The following TJP1 variants were observed in gnomAD, a reference collection of about 807,000 sequenced individuals.
TJP1 encodes the protein tight junction protein 1, also known as tight junction protein ZO-1.
A neutral mutation model predicts 194.2 loss-of-function variants in TJP1; 43 were observed. The ratio of observed to expected loss-of-function variants is 0.22; its 90% CI spans 0.17 to 0.29. The LOEUF is 0.29. TJP1 is among the 10% of genes least tolerant of loss of function. The probability of loss-of-function intolerance (pLI) is 1.00; values close to 1 mark genes in which losing one functional copy is unlikely to be tolerated. For synonymous variants in TJP1, 801 were observed against 779.0 expected (o/e 1.03, Z -0.47); for missense variants, 1,971 against 2,185.7 (o/e 0.90, Z 1.96).
intron 2 of TJP1, among the ~76,000 whole-genome samples, chr15:29,834,771 C>T (rs746121938): frequency 6.6e-5 from 10 of 152,202 alleles, no homozygotes; most frequent in South Asian, 2.1e-4. Context: ...CAGCAAAAAC[C>T]GGCAGAAACC....
chr15:29,733,651 C>T (rs1049730393), intron 12 of TJP1, among the ~76,000 whole-genome samples: 2 of 152,294 alleles, frequency 1.3e-5, no homozygotes, highest in African/African-American at 4.8e-5. Context: ...AATTTTATCC[C>T]TCGCCATCCA....
chr15:29,796,314 G>T (rs1265951633), intron 2 of TJP1, among the ~76,000 whole-genome samples: 1 of 147,316 alleles, frequency 6.8e-6, no homozygotes, highest in Non-Finnish European at 1.5e-5. Flanking sequence ...CCTACAACTA[G>T]TAATTTTAAG....
At chr15:29,935,745 G>C (rs2152276244) in intron 2 of TJP1, among the ~76,000 whole-genome samples, 1 of 152,072 alleles carries the variant, frequency 6.6e-6, no homozygotes, top group African/African-American at 2.4e-5. Flanking sequence ...TCACCTCCTT[G>C]CATCAACAAT....
chr15:29,855,487 T>C (rs1039117060), intron 2 of TJP1, among the ~76,000 whole-genome samples: 4 of 152,176 alleles, frequency 2.6e-5, no homozygotes, highest in Non-Finnish European at 5.9e-5. Context: ...TGTATCAAAA[T>C]AGCACGTGTA....
intron 2 of TJP1, among the ~76,000 whole-genome samples, chr15:29,901,032 G>A (rs1724798007): frequency 6.6e-6 from 1 of 152,112 alleles, no homozygotes; most frequent in Non-Finnish European, 1.5e-5. Context: ...GAGGAAAATC[G>A]ATGAGGACTG....
At chr15:29,838,992 CTT>C (rs760557407) in intron 2 of TJP1, among the ~76,000 whole-genome samples, 1,671 of 83,270 alleles carry the variant, frequency 0.02, 7 homozygotes, top group South Asian at 0.047. Context: ...AAAAATTCAC[CTT>C]TTTTTTTTTT....
chr15:29,708,196 CAAAAAAAAA>C (rs770746842), intron 25 of TJP1, among the ~76,000 whole-genome samples: 1 of 63,528 alleles, frequency 1.6e-5, no homozygotes, highest in East Asian at 5.4e-4. Flanking sequence ...ACTCTTGTCT[CAAAAAAAAA>C]AAAAAAAAAA....
At position 29,718,662 on chromosome 15, in the gene TJP1, C is replaced by G; in HGVS notation, c.3480G>C (p.Gln1160His). The G allele has an allele frequency of 1.9e-6, 3 of 1,614,154 alleles. No individual in the cohort carries two copies. Among genetic ancestry groups the G allele is most frequent in the Non-Finnish European group, 2.5e-6 (3 of 1,180,022 alleles). ...CATGTGTGTCATACCCAGGAGCTGGCTGCTCTTCGTGCCGCAGGGCGGATG... is the reference window on the plus strand; with the variant it reads ...CATGTGTGTCATACCCAGGAGCTGGGTGCTCTTCGTGCCGCAGGGCGGATG... Reference protein sequence around the residue: ...PRASALRHEEQPAPGYDTHGR... With the variant: ...PRASALRHEEHPAPGYDTHGR... Residue 1160 changes from glutamine (Q) to histidine (H), a missense_variant, in exon 21 of 28, where the codon CAG (glutamine) becomes CAC (histidine). By Grantham distance (24) the Gln-to-His change is conservative. Transcript: ENST00000614355.
chr15:29,834,143 T>C (rs1415023448), intron 2 of TJP1, among the ~76,000 whole-genome samples: 1 of 150,726 alleles, frequency 6.6e-6, no homozygotes, highest in Non-Finnish European at 1.5e-5. Context: ...GGCTTCCCAA[T>C]GTGCTGGGAT....
At chr15:29,725,453 G>GT (rs2043183227) in intron 18 of TJP1, among the ~76,000 whole-genome samples, 1 of 151,882 alleles carries the variant, frequency 6.6e-6, no homozygotes, top group South Asian at 2.1e-4. Context: ...CCATGCGGGG[G>GT]CAAAACACAA....
chr15:29,879,145 T>A (rs2052829416), intron 2 of TJP1, among the ~76,000 whole-genome samples: 2 of 151,822 alleles, frequency 1.3e-5, no homozygotes, highest in Admixed American at 6.6e-5. Flanking sequence ...AATAAAAAAA[T>A]AAAAAAAATT....
At chr15:29,744,760 T>G (rs2044653582) in intron 8 of TJP1, among the ~76,000 whole-genome samples, 1 of 152,178 alleles carries the variant, frequency 6.6e-6, no homozygotes, top group Non-Finnish European at 1.5e-5. Flanking sequence ...AAACCCCATG[T>G]ACTCATCGTC....
intron 2 of TJP1, among the ~76,000 whole-genome samples, chr15:29,778,402 T>C (rs555343246): frequency 9.8e-5 from 15 of 152,308 alleles, no homozygotes; most frequent in African/African-American, 3.6e-4. Flanking sequence ...CTTTCAATGT[T>C]TTCTGAATAT....
At chr15:29,832,724 C>G (rs1485331195) in intron 2 of TJP1, among the ~76,000 whole-genome samples, 1 of 152,248 alleles carries the variant, frequency 6.6e-6, no homozygotes, top group Admixed American at 6.5e-5. Context: ...AGTTACTCCA[C>G]TGATAGAGGC....
At chr15:29,942,250 A>G (rs1406285830) in intron 2 of TJP1, among the ~76,000 whole-genome samples, 1 of 152,222 alleles carries the variant, frequency 6.6e-6, no homozygotes, top group African/African-American at 2.4e-5. Flanking sequence ...GTTGCTAATG[A>G]AAAGAAACTC....
intron 2 of TJP1, among the ~76,000 whole-genome samples, chr15:29,879,653 T>C (rs546414493): frequency 2.6e-5 from 4 of 152,148 alleles, no homozygotes; most frequent in South Asian, 4.1e-4. Context: ...CCTGGTACCA[T>C]AGTGATGGAA....
intron 1 of TJP1, among the ~76,000 whole-genome samples, chr15:29,811,125 A>G (rs1223477536): frequency 1.3e-5 from 2 of 152,140 alleles, no homozygotes; most frequent in African/African-American, 4.8e-5. Context: ...ACAGTTTGAG[A>G]ACAAGAAACA....
intron 2 of TJP1, among the ~76,000 whole-genome samples, chr15:29,874,100 T>C (rs373010762): frequency 3.3e-5 from 5 of 152,184 alleles, no homozygotes; most frequent in East Asian, 1.9e-4. Flanking sequence ...TGATATTCCA[T>C]GTACTTTTTC....
intron 1 of TJP1, among the ~76,000 whole-genome samples, chr15:29,818,338 A>G (rs192984982): frequency 1.3e-5 from 2 of 152,352 alleles, no homozygotes; most frequent in Admixed American, 1.3e-4. Context: ...GTTTCTTAAC[A>G]ATGATTCATA....
Sources: gnomAD v4.1 joint callset for allele counts (sites outside exome capture counted in the v4.1 genomes callset) on GRCh38, gnomAD v4.1.1 for gene constraint, MANE v1.5 for transcripts, NCBI Gene and HGNC (gene_info 2026-07-23, HGNC 2026-07-21) for gene names.